Variants in UBE2D2 observed in about 807,000 individuals in gnomAD.
UBE2D2 encodes ubiquitin-conjugating enzyme E2 D2.
In UBE2D2, 2 loss-of-function variants were observed where a neutral mutation model predicts 24.2. That is an observed-to-expected ratio of 0.08 (90% CI 0.03 to 0.26). The LOEUF (loss-of-function observed/expected upper bound fraction) is 0.26, where lower values mean the gene tolerates loss of function less well. Ranked by LOEUF, UBE2D2 falls within the 10% of genes least tolerant of loss-of-function variation. UBE2D2 has a pLI of 1.00. For missense variants in UBE2D2, 44 were observed against 177.6 expected (o/e 0.25, Z 4.28); for synonymous variants, 58 against 56.5 (o/e 1.03, Z -0.12).
intron 1 of UBE2D2, among the ~76,000 whole-genome samples, chr5:139,544,766 T>A (rs557342463): frequency 6.7e-6 from 1 of 149,244 alleles, no homozygotes; most frequent in African/African-American, 2.5e-5. Flanking sequence ...TAACCCACTT[T>A]ATACTGTAGT....
At chr5:139,595,895 T>TG (rs1369896595) in intron 1 of UBE2D2, among the ~76,000 whole-genome samples, 12 of 121,532 alleles carry the variant, frequency 9.9e-5, no homozygotes, top group African/African-American at 2.0e-4. Flanking sequence ...TTTTGTTGTT[T>TG]TTTTTTTTTT....
chr5:139,571,499 T>G (rs1753351203), intron 1 of UBE2D2, among the ~76,000 whole-genome samples: 1 of 152,108 alleles, frequency 6.6e-6, no homozygotes, highest in Admixed American at 6.6e-5. Flanking sequence ...CAATAATCTT[T>G]CAATAATTCT....
rs538665068 is a variant in UBE2D2 at position 139,548,535 on chromosome 5, C to T, written c.-64+21923C>T. On this transcript the variant is annotated intron_variant, in intron 1 of 6. Coordinates refer to the UBE2D2 transcript ENST00000511725. ...AAACCCCAGCTTCACAAGGACTGAGCTTGTAGATTTCCCTCATGGGCAAAA... is the reference window on the plus strand; with the variant it reads ...AAACCCCAGCTTCACAAGGACTGAGTTTGTAGATTTCCCTCATGGGCAAAA... Among the ~76,000 whole-genome samples, 7 of 152,220 alleles carry T rather than the reference C, an allele frequency of 4.6e-5. No individual in the cohort carries two copies. In the East Asian group the frequency reaches 5.8e-4, roughly 13 times the overall value.
chr5:139,541,535 G>C (rs756433675), intron 1 of UBE2D2, among the ~76,000 whole-genome samples: 1 of 149,122 alleles, frequency 6.7e-6, no homozygotes, highest in Non-Finnish European at 1.5e-5. Flanking sequence ...AGGAGGCAGA[G>C]GTTGCAGTGA....
At chr5:139,562,312 C>T (rs776585061) in intron 1 of UBE2D2, 3 of 1,349,530 alleles carry the variant, frequency 2.2e-6, no homozygotes, top group Non-Finnish European at 2.9e-6. Flanking sequence ...ACAAGTATAT[C>T]CTGAGTTCAC....
chr5:139,550,980 G>A lies in UBE2D2; in HGVS notation c.-64+24368G>A, dbSNP rs113876593. ...ACACCACAGTATCATTGTACTACACGGCTCTCAGCACCACTGACCTTGGTA... is the reference window on the plus strand; with the variant it reads ...ACACCACAGTATCATTGTACTACACAGCTCTCAGCACCACTGACCTTGGTA... On this transcript the variant is annotated intron_variant, in intron 1 of 6. Transcript: ENST00000511725. 3.1e-3 allele frequency among the ~76,000 whole-genome samples: 473 copies of A among 152,162 alleles called. 3 individuals are homozygous for A. Among genetic ancestry groups the A allele is most frequent in the African/African-American group, 0.011 (442 of 41,526 alleles).
In UBE2D2 at chr5:139,544,781, T is replaced by A. The variant is rs113810234; in HGVS notation, c.-64+18169T>A. 8.4e-4 allele frequency among the ~76,000 whole-genome samples: 62 copies of A among 73,990 alleles called. 2 individuals carry two copies. In the Middle Eastern group the frequency reaches 0.022, roughly 27 times the overall value. The allele number at this position is 73,990 out of a possible 152,430, so 48.5% of individuals were successfully genotyped here. On this transcript the variant is annotated intron_variant, in intron 1 of 6. Coordinates refer to the UBE2D2 transcript ENST00000511725. ...TAACCCACTTTATACTGTAGTTTGC[T>A]TTTTTTTTTCTTTTTTTAGACAGTC...
At chr5:139,573,456 C>T (rs1029339917) in intron 1 of UBE2D2, among the ~76,000 whole-genome samples, 1 of 151,980 alleles carries the variant, frequency 6.6e-6, no homozygotes, top group Non-Finnish European at 1.5e-5. Context: ...GTTTTCATTG[C>T]AGTATAATAT....
intron 1 of UBE2D2, among the ~76,000 whole-genome samples, chr5:139,542,601 G>A (rs1226209614): frequency 3.3e-5 from 5 of 152,090 alleles, no homozygotes; most frequent in African/African-American, 1.2e-4. Context: ...GATTACAGGG[G>A]TCAGCCACCA....
chr5:139,615,963 G>T (rs1036163951), intron 5 of UBE2D2, among the ~76,000 whole-genome samples: 1 of 146,032 alleles, frequency 6.8e-6, no homozygotes, highest in African/African-American at 2.6e-5. Flanking sequence ...AGCCTCCCTT[G>T]TAGCTGGGAT....
At chr5:139,626,660 C>G in intron 6 of UBE2D2, 96 bp from the exon 7 acceptor site, 1 of 1,000,430 alleles carries the variant, frequency 1.0e-6, no homozygotes, top group Non-Finnish European at 1.6e-6. Context: ...GTCCTATAAG[C>G]TACTCTCTTC....
At chr5:139,600,226 C>A in intron 1 of UBE2D2, 146 bp from the exon 2 acceptor site, 1 of 867,454 alleles carries the variant, frequency 1.2e-6, no homozygotes, top group East Asian at 2.6e-5. Context: ...AAAGATTCAC[C>A]AATCTACTCA....
At chr5:139,570,993 A>G (rs750408518) in intron 1 of UBE2D2, among the ~76,000 whole-genome samples, 3 of 152,262 alleles carry the variant, frequency 2.0e-5, no homozygotes, top group Non-Finnish European at 4.4e-5. Context: ...TAAAAAGACT[A>G]AAAACCACTG....
chr5:139,568,955 G>A (rs150891250), intron 1 of UBE2D2, among the ~76,000 whole-genome samples: 5,317 of 152,046 alleles, frequency 0.035, 143 homozygotes, highest in Non-Finnish European at 0.058. Context: ...GGGCAACAGA[G>A]CAAGACTCCG....
At chr5:139,562,046 G>T in intron 1 of UBE2D2, 1 of 796,300 alleles carries the variant, frequency 1.3e-6, no homozygotes, top group Non-Finnish European at 1.9e-6. Context: ...CTCCCCGGCT[G>T]CCCTTCCAGG....
intron 1 of UBE2D2, among the ~76,000 whole-genome samples, chr5:139,595,889 G>GT (rs1561514902): frequency 1.4e-4 from 16 of 113,008 alleles, no homozygotes; most frequent in African/African-American, 4.7e-4. Flanking sequence ...TTTGTTTTTT[G>GT]TTGTTTTTTT....
chr5:139,610,062 C>T (rs932631313), intron 2 of UBE2D2, among the ~76,000 whole-genome samples: 2 of 152,102 alleles, frequency 1.3e-5, no homozygotes, highest in African/African-American at 2.4e-5. Context: ...TGAGCCGCTG[C>T]GCCTGGCCTT....
chr5:139,603,084 C>A (rs758111467), intron 2 of UBE2D2, among the ~76,000 whole-genome samples: 19 of 152,112 alleles, frequency 1.2e-4, no homozygotes, highest in Non-Finnish European at 1.2e-4. Flanking sequence ...TTTTCTGATT[C>A]TAGTTTGTCC....
In UBE2D2 at chr5:139,626,929, C is replaced by T; in HGVS notation, c.*128C>T. The T allele has an allele frequency of 1.4e-6, 1 of 719,136 alleles. No homozygotes were observed. The highest frequency in any genetic ancestry group is 1.7e-5 in the South Asian group (1 of 60,500). 44.5% of individuals were successfully genotyped at this position (719,136 alleles called of 1,614,324 possible). On this transcript the variant is annotated 3_prime_UTR_variant, in exon 7 of 7. Coordinates refer to ENST00000398733, the MANE Select transcript of UBE2D2 (RefSeq NM_003339.3). ...CATCTTCCCCTGTGCACATGTTTAC[C>T]TGATACAGCAGTGCTGCGTGTTGTA...
Sources: allele counts gnomAD v4.1 joint callset (sites outside exome capture counted in the v4.1 genomes callset), GRCh38; gene constraint gnomAD v4.1.1; transcripts MANE v1.5; gene names NCBI Gene and HGNC (gene_info 2026-07-23, HGNC 2026-07-21).